PPP1R1C: variants seen among roughly 807,000 people sequenced by gnomAD.
PPP1R1C encodes the protein protein phosphatase 1 regulatory subunit 1C.
Under a neutral mutation model 17.4 loss-of-function variants are expected in PPP1R1C, and 15 were observed. The ratio of observed to expected loss-of-function variants is 0.86; its 90% CI spans 0.58 to 1.33. The LOEUF is 1.33. Among genes scored for constraint, PPP1R1C ranks in the 40% most tolerant of loss-of-function variants. The pLI is 0.00. For missense variants in PPP1R1C, 143 were observed against 130.0 expected, an observed-to-expected ratio of 1.10 and a Z score of -0.48; for synonymous variants, 35 against 43.1, an observed-to-expected ratio of 0.81 and a Z score of 0.73.
intron 2 of PPP1R1C, among the ~76,000 whole-genome samples, chr2:182,016,432 A>T (rs1044327717): frequency 1.8e-4 from 28 of 152,154 alleles, no homozygotes; most frequent in African/African-American, 6.8e-4. Flanking sequence ...GGAGGGGATG[A>T]CTGCTAGAGG....
At chr2:181,955,310 C>T (rs908904446) in intron 1 of PPP1R1C, among the ~76,000 whole-genome samples, 1 of 152,172 alleles carries the variant, frequency 6.6e-6, no homozygotes, top group Admixed American at 6.5e-5. Flanking sequence ...CTTTACCATG[C>T]TTTCAAATTG....
Position 182,092,882 on chromosome 2 carries a change from A to G in PPP1R1C, c.242-24325A>G, listed in dbSNP as rs6717912. Among the ~76,000 whole-genome samples, 125 of 152,290 alleles carry G rather than the reference A, an allele frequency of 8.2e-4. 1 individual carries two copies. The highest frequency in any genetic ancestry group is 2.9e-3 in the African/African-American group (120 of 41,562). On this transcript the variant is annotated intron_variant, in intron 4 of 4. Coordinates refer to ENST00000682840, the MANE Select transcript of PPP1R1C (RefSeq NM_001080545.3). ...CTTCTGGCCGCTTTCACAGGCTGGCATTGAGTATCTGCAGCTTTTCCAGGT... is the reference window on the plus strand; with the variant it reads ...CTTCTGGCCGCTTTCACAGGCTGGCGTTGAGTATCTGCAGCTTTTCCAGGT...
intron 1 of PPP1R1C, among the ~76,000 whole-genome samples, chr2:181,955,953 C>A (rs1431374635): frequency 6.6e-6 from 1 of 152,156 alleles, no homozygotes; most frequent in African/African-American, 2.4e-5. Flanking sequence ...CATAGGTACA[C>A]ATGTGCCATG....
At chr2:181,965,768 A>G (rs536836462) in intron 1 of PPP1R1C, among the ~76,000 whole-genome samples, 1 of 152,116 alleles carries the variant, frequency 6.6e-6, no homozygotes, top group African/African-American at 2.4e-5. Flanking sequence ...TTTGCTCGGG[A>G]TAGCTTTGGC....
intron 2 of PPP1R1C, among the ~76,000 whole-genome samples, chr2:182,003,228 G>A (rs965123224): frequency 6.6e-6 from 1 of 152,098 alleles, no homozygotes; most frequent in Non-Finnish European, 1.5e-5. Context: ...CAGTAGTCTT[G>A]TATTTCACTA....
chr2:182,049,872 G>A (rs1043814232), intron 2 of PPP1R1C, among the ~76,000 whole-genome samples: 2 of 152,142 alleles, frequency 1.3e-5, no homozygotes, highest in African/African-American at 2.4e-5. Context: ...ACTCTCAAAT[G>A]TCTTAAGGCA....
At position 182,117,318 on chromosome 2, in the gene PPP1R1C, C is replaced by T. The variant is rs1193952383; in HGVS notation, c.*23C>T. 1 of 1,490,768 alleles carries T rather than the reference C, an allele frequency of 6.7e-7. No homozygotes were observed. Among genetic ancestry groups the T allele is most frequent in the Non-Finnish European group, 9.1e-7 (1 of 1,101,776 alleles). The allele number at this position is 1,490,768 out of a possible 1,614,324, so 92.3% of individuals were successfully genotyped here. ...TAATTACTGGTCTGCAGCAAGAAGG[C>T]TTCTTGGAAATAACTGAACTATTAA... On this transcript the variant is annotated 3_prime_UTR_variant, in exon 5 of 5. Transcript: ENST00000682840.
chr2:182,003,274 T>G lies in PPP1R1C; in HGVS notation c.142+15375T>G, dbSNP rs1426459597. Among the ~76,000 whole-genome samples, 3 of 152,166 alleles carry G rather than the reference T, an allele frequency of 2.0e-5. 1 individual carries two copies. Among genetic ancestry groups the G allele is most frequent in the Admixed American group, 6.6e-5 (1 of 15,264 alleles). Reference sequence around the variant, plus strand: ...CCCATTGCTCCTACAACTATAACACTTAGATTTCTTAGTCTGAAGAAATAC... The same window carrying G: ...CCCATTGCTCCTACAACTATAACACGTAGATTTCTTAGTCTGAAGAAATAC... On this transcript the variant is annotated intron_variant, in intron 2 of 4. Transcript: ENST00000682840.
At chr2:182,024,001 C>T (rs953383906) in intron 2 of PPP1R1C, 3 of 151,970 alleles carry the variant, frequency 2.0e-5, no homozygotes, top group South Asian at 2.1e-4. Flanking sequence ...CTCATAATAG[C>T]GCTAAATTAC....
At chr2:182,102,846 T>C (rs1000071722) in intron 4 of PPP1R1C, among the ~76,000 whole-genome samples, 1 of 152,190 alleles carries the variant, frequency 6.6e-6, no homozygotes, top group African/African-American at 2.4e-5. Flanking sequence ...AGGGTCTTGC[T>C]ATGTTGCCCA....
At chr2:182,008,940 T>C (rs1456557202) in intron 2 of PPP1R1C, among the ~76,000 whole-genome samples, 1 of 152,200 alleles carries the variant, frequency 6.6e-6, no homozygotes, top group East Asian at 1.9e-4. Flanking sequence ...GTTCTATCCA[T>C]GTTGTTACAA....
intron 2 of PPP1R1C, chr2:182,048,873 C>G (rs143036126): frequency 6.6e-6 from 1 of 152,436 alleles, no homozygotes; most frequent in South Asian, 2.1e-4. Context: ...ATCTTGGAAG[C>G]TAAGCAGTGT....
At position 181,967,897 on chromosome 2, in the gene PPP1R1C, TAG is replaced by T. The variant is rs1488559236; in HGVS notation, n.112-7317_112-7316del. On this transcript the variant is annotated intron_variant and non_coding_transcript_variant, in intron 1 of 5. Transcript: ENST00000464264. The surrounding 1 kb of genome is among the most constrained non-coding windows in gnomAD (Gnocchi z 5.5). ...TGCCTGGCTAATTTTGTGTTTTTAG[TAG>T]AGAGGGGATTTCTTCATGTTGGTCA... is the stretch of plus-strand genomic sequence containing the variant. Among the ~76,000 whole-genome samples the T allele has an allele frequency of 1.3e-5, 2 of 152,092 alleles. No homozygotes were observed. The highest frequency in any genetic ancestry group is 2.9e-5 in the Non-Finnish European group (2 of 68,010).
intron 2 of PPP1R1C, among the ~76,000 whole-genome samples, chr2:181,977,358 T>C (rs1337939996): frequency 6.6e-6 from 1 of 151,950 alleles, no homozygotes; most frequent in Non-Finnish European, 1.5e-5. Context: ...TTCCTGGTCT[T>C]CTTACTCCTC....
At chr2:181,989,457 A>C (rs530853671) in intron 2 of PPP1R1C, among the ~76,000 whole-genome samples, 24 of 152,224 alleles carry the variant, frequency 1.6e-4, no homozygotes, top group Admixed American at 1.3e-3. Context: ...TGAAGCCCAT[A>C]CATTTCCACT....
At chr2:182,102,054 CA>C (rs2125228158) in intron 4 of PPP1R1C, among the ~76,000 whole-genome samples, 1 of 152,246 alleles carries the variant, frequency 6.6e-6, no homozygotes, top group African/African-American at 2.4e-5. Flanking sequence ...TGAATATTTT[CA>C]TTTGACAAAT....
At chr2:182,108,412 C>T (rs1689319193) in intron 4 of PPP1R1C, among the ~76,000 whole-genome samples, 1 of 151,960 alleles carries the variant, frequency 6.6e-6, no homozygotes, top group Admixed American at 6.6e-5. Flanking sequence ...TGTTGGAGTA[C>T]TCCAGGGCTC....
At chr2:182,122,655 A>C (rs943357909), downstream of PPP1R1C, among the ~76,000 whole-genome samples, 2 of 152,190 alleles carry the variant, frequency 1.3e-5, no homozygotes, top group African/African-American at 4.8e-5. Flanking sequence ...TTAAATATGG[A>C]AAGATAAAAT....
At chr2:182,058,125 T>A (rs775957786) in intron 2 of PPP1R1C, among the ~76,000 whole-genome samples, 36 of 152,256 alleles carry the variant, frequency 2.4e-4, no homozygotes, top group Non-Finnish European at 2.9e-5. Flanking sequence ...GATAGTTTTA[T>A]AATGCCTTTT....
Sources: gnomAD v4.1 joint callset for allele counts (sites outside exome capture counted in the v4.1 genomes callset) on GRCh38, gnomAD v4.1.1 for gene constraint, Gnocchi (gnomAD v3.1) non-coding constraint, MANE v1.5 for transcripts, NCBI Gene and HGNC (gene_info 2026-07-23, HGNC 2026-07-21) for gene names.